The following SPMIP7 variants were observed in gnomAD, a reference collection of about 807,000 sequenced individuals.
The protein encoded by SPMIP7 is sperm microtubule inner protein 7.
chr7:50,146,079 A>G, the SPMIP7 span, among the ~76,000 whole-genome samples: 2 of 152,292 alleles, frequency 1.3e-5, no homozygotes, highest in East Asian at 1.9e-4. Context: ...ACAAAATTTT[A>G]CCACAACCCA....
chr7:50,144,871 C>T, the SPMIP7 span, among the ~76,000 whole-genome samples: 1 of 151,924 alleles, frequency 6.6e-6, no homozygotes, highest in Non-Finnish European at 1.5e-5. Flanking sequence ...TTGACCGGAT[C>T]TGGGTAGTGT....
the SPMIP7 span, among the ~76,000 whole-genome samples, chr7:50,146,985 G>T: frequency 6.6e-6 from 1 of 152,350 alleles, no homozygotes; most frequent in East Asian, 1.9e-4. Flanking sequence ...AACTTCAGTT[G>T]AGGTCTAAGT....
At chr7:50,153,592 G>T in the SPMIP7 span, among the ~76,000 whole-genome samples, 1 of 152,188 alleles carries the variant, frequency 6.6e-6, no homozygotes, top group African/African-American at 2.4e-5. Context: ...TGCTTTGTGG[G>T]TACTAACTCA....
At chr7:50,155,509 C>A in the SPMIP7 span, among the ~76,000 whole-genome samples, 3 of 152,126 alleles carry the variant, frequency 2.0e-5, no homozygotes, top group Admixed American at 2.0e-4. Flanking sequence ...CAGCTATAAA[C>A]AATGCTAATC....
chr7:50,101,676 T>C, the SPMIP7 span, among the ~76,000 whole-genome samples: 7 of 152,204 alleles, frequency 4.6e-5, no homozygotes, highest in Admixed American at 4.6e-4. Flanking sequence ...TTTCCTAATT[T>C]CCTACTTTTT....
chr7:50,114,087 C>T, the SPMIP7 span, among the ~76,000 whole-genome samples: 1 of 151,738 alleles, frequency 6.6e-6, no homozygotes, highest in African/African-American at 2.4e-5. Context: ...AAATTAGAGG[C>T]AAAATAGAAA....
At chr7:50,153,011 A>C in the SPMIP7 span, among the ~76,000 whole-genome samples, 1 of 152,194 alleles carries the variant, frequency 6.6e-6, no homozygotes, top group Non-Finnish European at 1.5e-5. Flanking sequence ...TTGAGCATCA[A>C]TTCTGGGCCA....
the SPMIP7 span, among the ~76,000 whole-genome samples, chr7:50,134,840 A>G: frequency 6.6e-6 from 1 of 152,200 alleles, no homozygotes; most frequent in Non-Finnish European, 1.5e-5. Flanking sequence ...TAATGTGTGA[A>G]TCTGTTTGTA....
chr7:50,122,176 G>T, the SPMIP7 span, among the ~76,000 whole-genome samples: 2 of 152,008 alleles, frequency 1.3e-5, no homozygotes, highest in Admixed American at 6.6e-5. Context: ...GTATAACATT[G>T]TCCTCTGAAT....
chr7:50,142,400 A>C, the SPMIP7 span: 5 of 152,230 alleles, frequency 3.3e-5, no homozygotes, highest in African/African-American at 1.2e-4. Flanking sequence ...ATTTGGGCAT[A>C]TAGCATTCCT....
the SPMIP7 span, chr7:50,151,449 G>GT: frequency 9.2e-5 from 143 of 1,547,668 alleles, no homozygotes; most frequent in South Asian, 1.1e-3. Context: ...CTTCACTTTA[G>GT]TGCTGCAAAT....
chr7:50,140,210 A>C, the SPMIP7 span: 1 of 1,411,348 alleles, frequency 7.1e-7, no homozygotes, highest in Non-Finnish European at 9.5e-7. Flanking sequence ...TCTTGTAAAA[A>C]AATTTTAGAT....
chr7:50,137,269 GA>G, the SPMIP7 span, among the ~76,000 whole-genome samples: 61 of 152,106 alleles, frequency 4.0e-4, 1 homozygote, highest in African/African-American at 1.5e-3. Context: ...AAAATTGATA[GA>G]AAATAATTTA....
At chr7:50,111,100 A>G in the SPMIP7 span, among the ~76,000 whole-genome samples, 1 of 146,542 alleles carries the variant, frequency 6.8e-6, no homozygotes, top group African/African-American at 2.5e-5. Flanking sequence ...TTATATGTGT[A>G]TATGTTATAT....
At chr7:50,151,658 T>A in the SPMIP7 span, 2 of 773,296 alleles carry the variant, frequency 2.6e-6, no homozygotes, top group Non-Finnish European at 3.9e-6. Flanking sequence ...TAAAAGCAAA[T>A]TTACATTGTT....
At chr7:50,129,121 A>G in the SPMIP7 span, among the ~76,000 whole-genome samples, 1 of 152,166 alleles carries the variant, frequency 6.6e-6, no homozygotes, top group East Asian at 1.9e-4. Flanking sequence ...AAAACATAGA[A>G]CTAGAAAAAG....
the SPMIP7 span, among the ~76,000 whole-genome samples, chr7:50,126,532 G>T: frequency 1.3e-5 from 2 of 151,580 alleles, no homozygotes; most frequent in Non-Finnish European, 2.9e-5. Context: ...ACAATTTTAG[G>T]AGTCTAACTT....
chr7:50,119,898 C>CTT, the SPMIP7 span, among the ~76,000 whole-genome samples: 1 of 152,188 alleles, frequency 6.6e-6, no homozygotes, highest in Non-Finnish European at 1.5e-5. Context: ...TTCCAGCATG[C>CTT]TATAAAGGGA....
the SPMIP7 span, among the ~76,000 whole-genome samples, chr7:50,149,857 T>A: frequency 2.0e-5 from 3 of 152,156 alleles, no homozygotes; most frequent in Non-Finnish European, 4.4e-5. Flanking sequence ...CACCAAGAAA[T>A]TGCAGTGTGA....
Sources: allele counts gnomAD v4.1 joint callset (sites outside exome capture counted in the v4.1 genomes callset), GRCh38; gene constraint gnomAD v4.1.1; transcripts MANE v1.5; gene names NCBI Gene and HGNC (gene_info 2026-07-23, HGNC 2026-07-21).